Variants in DLG2 observed in about 807,000 individuals in gnomAD.
DLG2 encodes the protein disks large homolog 2.
A neutral mutation model predicts 132.5 loss-of-function variants in DLG2; 45 were observed. The ratio of observed to expected loss-of-function variants is 0.34; its 90% confidence interval spans 0.27 to 0.44. The LOEUF is 0.44. Ranked by LOEUF, DLG2 falls within the 20% of genes least tolerant of loss-of-function variation. DLG2 has a pLI of 1.00. For missense variants in DLG2, 1,045 were observed against 1,196.9 expected, an observed-to-expected ratio of 0.87 and a Z score of 1.87; for synonymous variants, 424 against 419.6, an observed-to-expected ratio of 1.01 and a Z score of -0.13.
At chr11:84,995,327 C>T (rs1300544528) in intron 6 of DLG2, among the ~76,000 whole-genome samples, 1 of 152,176 alleles carries the variant, frequency 6.6e-6, no homozygotes, top group Non-Finnish European at 1.5e-5. Context: ...ATCCCAGCTC[C>T]ACCACTTACT....
At chr11:84,685,736 C>T (rs2099737531) in intron 6 of DLG2, among the ~76,000 whole-genome samples, 1 of 151,744 alleles carries the variant, frequency 6.6e-6, no homozygotes, top group African/African-American at 2.4e-5. Flanking sequence ...GACGGAGTCT[C>T]GCTCTGTCGC....
chr11:84,588,307 C>G (rs1565382446), intron 6 of DLG2, among the ~76,000 whole-genome samples: 1 of 152,196 alleles, frequency 6.6e-6, no homozygotes, highest in Non-Finnish European at 1.5e-5. Flanking sequence ...CCAAAAACTA[C>G]TCACACATCA....
At chr11:84,166,559 G>C (rs941267706) in intron 8 of DLG2, among the ~76,000 whole-genome samples, 1 of 148,100 alleles carries the variant, frequency 6.8e-6, no homozygotes, top group Non-Finnish European at 1.5e-5. Flanking sequence ...ACAATACCTC[G>C]ATCTTAATTT....
In DLG2 at chr11:83,906,255, TCTCACACACA is replaced by T. The variant is rs1321136522; in HGVS notation, c.1496+24063_1496+24072del. The stretch of plus-strand genomic sequence containing the variant: ...ATGTCTCTCTCTCTCTCTCTCTCTC[TCTCACACACA>T]CACACACACACACACACACACACAC... On this transcript the variant is annotated intron_variant, in intron 15 of 27. Transcript: ENST00000376104. Among the ~76,000 whole-genome samples, 64 of 96,944 alleles carry T rather than the reference TCTCACACACA, an allele frequency of 6.6e-4. 1 individual carries two copies. The highest frequency in any genetic ancestry group is 6.3e-3 in the Middle Eastern group (1 of 160). 63.6% of individuals were successfully genotyped at this position (96,944 alleles called of 152,430 possible).
At chr11:83,860,294 C>A (rs906558108) in intron 16 of DLG2, among the ~76,000 whole-genome samples, 7 of 152,282 alleles carry the variant, frequency 4.6e-5, no homozygotes, top group Non-Finnish European at 1.0e-4. Context: ...AATACCAGCC[C>A]ATGAAAGCAG....
chr11:84,420,176 TA>T (rs2098943765), intron 7 of DLG2, among the ~76,000 whole-genome samples: 1 of 152,170 alleles, frequency 6.6e-6, no homozygotes, highest in African/African-American at 2.4e-5. Flanking sequence ...ACTTTAAAAA[TA>T]AAAAATCTGA....
intron 2 of DLG2, among the ~76,000 whole-genome samples, chr11:85,611,847 C>T (rs982865422): frequency 5.3e-5 from 8 of 151,802 alleles, no homozygotes; most frequent in African/African-American, 1.2e-4. Flanking sequence ...CTTACACTGT[C>T]GAAGCCATCA....
At chr11:84,663,784 T>C (rs975256999) in intron 6 of DLG2, among the ~76,000 whole-genome samples, 4 of 152,182 alleles carry the variant, frequency 2.6e-5, no homozygotes, top group Non-Finnish European at 5.9e-5. Context: ...CATCCTTATA[T>C]CCAAGTTCCC....
chr11:83,707,995 C>T (rs902037129), intron 18 of DLG2, among the ~76,000 whole-genome samples: 12 of 152,138 alleles, frequency 7.9e-5, no homozygotes, highest in African/African-American at 2.7e-4. Context: ...CTTTTAAATC[C>T]AGAGCTTCCT....
intron 7 of DLG2, among the ~76,000 whole-genome samples, chr11:84,306,695 C>T (rs891017342): frequency 1.3e-5 from 2 of 152,162 alleles, no homozygotes; most frequent in African/African-American, 4.8e-5. Flanking sequence ...TGGGGCAAGA[C>T]CACTCTGCAC....
At chr11:84,993,892 C>A (rs541452945) in intron 6 of DLG2, among the ~76,000 whole-genome samples, 68 of 152,188 alleles carry the variant, frequency 4.5e-4, no homozygotes, top group African/African-American at 1.6e-3. Context: ...AATCAGGGGT[C>A]TGCAGGAACA....
At chr11:83,668,865 ATAT>A (rs1282674833) in intron 18 of DLG2, among the ~76,000 whole-genome samples, 7 of 115,670 alleles carry the variant, frequency 6.1e-5, no homozygotes, top group African/African-American at 1.8e-4. Context: ...ATATATATAT[ATAT>A]TTTTTTTTTA....
intron 6 of DLG2, among the ~76,000 whole-genome samples, chr11:84,949,082 G>A (rs937648187): frequency 3.3e-5 from 5 of 152,020 alleles, no homozygotes; most frequent in African/African-American, 7.2e-5. Context: ...CCTAAGCGTC[G>A]GCTGGCTTGA....
intron 18 of DLG2, among the ~76,000 whole-genome samples, chr11:83,640,819 T>C (rs571067880): frequency 1.5e-4 from 23 of 152,170 alleles, no homozygotes; most frequent in Non-Finnish European, 3.2e-4. Flanking sequence ...GTCAGTTCCA[T>C]GTTAAAATGG....
intron 3 of DLG2, among the ~76,000 whole-genome samples, chr11:85,332,083 C>G (rs1049593539): frequency 1.3e-5 from 2 of 152,174 alleles, no homozygotes; most frequent in Non-Finnish European, 2.9e-5. Context: ...CTCACACCAA[C>G]AATCTATAAG....
chr11:85,048,849 C>A (rs2062613375), intron 6 of DLG2, among the ~76,000 whole-genome samples: 2 of 152,038 alleles, frequency 1.3e-5, no homozygotes, highest in Admixed American at 6.6e-5. Context: ...AATGCATTAA[C>A]ATGAACAACA....
At chr11:83,504,908 C>A (rs1380341636) in intron 21 of DLG2, among the ~76,000 whole-genome samples, 1 of 152,172 alleles carries the variant, frequency 6.6e-6, no homozygotes, top group Non-Finnish European at 1.5e-5. Context: ...AGCTATTTCA[C>A]CATTCTATCA....
intron 3 of DLG2, among the ~76,000 whole-genome samples, chr11:85,527,349 G>A (rs1039140338): frequency 5.9e-5 from 9 of 151,516 alleles, no homozygotes; most frequent in East Asian, 1.9e-4. Context: ...CTCCCCTTGC[G>A]CCCCACCCCT....
chr11:84,621,239 A>G (rs900679137), intron 6 of DLG2, among the ~76,000 whole-genome samples: 2 of 152,170 alleles, frequency 1.3e-5, no homozygotes, highest in Non-Finnish European at 2.9e-5. Flanking sequence ...TAAATATAAC[A>G]GAGTAAAAAC....
Sources: gnomAD v4.1 joint callset for allele counts (sites outside exome capture counted in the v4.1 genomes callset) on GRCh38, gnomAD v4.1.1 for gene constraint, MANE v1.5 for transcripts, NCBI Gene and HGNC (gene_info 2026-07-23, HGNC 2026-07-21) for gene names.